RPS5: variants seen among roughly 807,000 people sequenced by gnomAD.
RPS5 encodes the protein small ribosomal subunit protein uS7.
Under a neutral mutation model 20.9 loss-of-function variants are expected in RPS5, and 2 were observed. That is an observed-to-expected ratio of 0.10 (90% CI 0.04 to 0.30). The LOEUF (loss-of-function observed/expected upper bound fraction) is 0.30. RPS5 is among the 10% of genes least tolerant of loss of function. The pLI is 1.00. For missense variants in RPS5, 122 were observed against 287.2 expected, an observed-to-expected ratio of 0.42 and a Z score of 4.16; for synonymous variants, 112 against 105.8, an observed-to-expected ratio of 1.06 and a Z score of -0.36.
chr19:58,389,859 A>ATT (rs2052351941), intron 2 of RPS5, among the ~76,000 whole-genome samples: 2 of 150,664 alleles, frequency 1.3e-5, no homozygotes, highest in African/African-American at 4.9e-5. Context: ...CTGGTCTCGA[A>ATT]CTCCTGACCT....
In RPS5 at chr19:58,393,141, A is replaced by G. The variant is rs533747867; in HGVS notation, c.274A>G (p.Ile92Val). 1.4e-5 allele frequency: 22 copies of G among 1,614,050 alleles called. No individual in the cohort carries two copies. In the Middle Eastern group the frequency reaches 6.6e-4, roughly 48 times the overall value. The change falls in exon 3 of 6, where the codon ATC (isoleucine) becomes GTC (valine). Residue 92 changes from isoleucine to valine, a missense_variant. By Grantham distance (29) the Ile-to-Val change is conservative. Coordinates refer to ENST00000196551, the MANE Select transcript of RPS5 (RefSeq NM_001009.4). The stretch of plus-strand genomic sequence containing the variant: ...CGGCAAGAAGCTCATGACTGTGCGC[A>G]TCGTCAAGCATGCCTTCGAGATCAT... ...NNGKKLMTVR[I>V]VKHAFEIIHL... is the part of the protein sequence containing the mutation.
intron 2 of RPS5, among the ~76,000 whole-genome samples, chr19:58,391,300 C>CA (rs2052361429): frequency 6.6e-6 from 1 of 151,754 alleles, no homozygotes; most frequent in African/African-American, 2.4e-5. Context: ...TGCATGGTGG[C>CA]GTGCACCTGT....
At chr19:58,393,723 T>TGG in intron 4 of RPS5, 1 of 404,828 alleles carries the variant, frequency 2.5e-6, no homozygotes, top group Non-Finnish European at 4.0e-6. Flanking sequence ...ATTTTTACAC[T>TGG]GTGTGTATAT....
At chr19:58,389,634 A>G (rs926422793) in intron 2 of RPS5, among the ~76,000 whole-genome samples, 23 of 151,390 alleles carry the variant, frequency 1.5e-4, no homozygotes, top group African/African-American at 4.9e-4. Context: ...TTGTTTGTTT[A>G]TTTATTTATT....
chr19:58,394,418 C>T, intron 4 of RPS5, 79 bp from the exon 5 acceptor site: 1 of 1,221,974 alleles, frequency 8.2e-7, no homozygotes, highest in Non-Finnish European at 1.2e-6. Context: ...ACGTGGCTGG[C>T]AGCATCAGTT....
At chr19:58,393,514 A>C (rs1568574672) in intron 4 of RPS5, 27 bp downstream of exon 4, 1 of 1,591,090 alleles carries the variant, frequency 6.3e-7, no homozygotes. Flanking sequence ...TGCACGTGGC[A>C]GGGTGGACAC....
intron 4 of RPS5, 139 bp downstream of exon 4, chr19:58,393,626 C>G: frequency 8.8e-7 from 1 of 1,130,154 alleles, no homozygotes; most frequent in South Asian, 1.6e-5. Flanking sequence ...TTCCTGGATT[C>G]CCACCCTGCA....
chr19:58,392,131 G>T (rs1292512431), intron 2 of RPS5, among the ~76,000 whole-genome samples: 2 of 152,154 alleles, frequency 1.3e-5, no homozygotes, highest in African/African-American at 2.4e-5. Flanking sequence ...AGACCAGCCT[G>T]CTCAAAACAG....
Position 58,394,699 on chromosome 19 carries a change from T to C in RPS5, c.564T>C (p.Tyr188=). 1.2e-6 allele frequency: 2 copies of C among 1,614,156 alleles called. No homozygotes were observed. Among genetic ancestry groups the C allele is most frequent in the South Asian group, 1.1e-5 (1 of 91,088 alleles). Residue 188 remains tyrosine (Y), a synonymous_variant, in exon 6 of 6, where the codon TAT becomes TAC. Transcript: ENST00000196551. The part of the protein sequence containing the change: ...INAAKGSSNS[Y]AIKKKDELER... The stretch of plus-strand genomic sequence containing the variant: ...CCTTGCAGGGCTCCTCGAACTCCTA[T>C]GCCATTAAGAAGAAGGACGAGCTGG...
chr19:58,394,118 C>T lies in RPS5; in HGVS notation c.448-379C>T, dbSNP rs899257823. ...ACCTGGCCGCCTTTTTTGTTGTCGT[C>T]GGTTTTTTTGTTTGTAGAGGTGGGG... is the stretch of plus-strand genomic sequence containing the variant. On this transcript the variant is annotated intron_variant, in intron 4 of 5. Coordinates refer to ENST00000196551, the MANE Select transcript of RPS5 (RefSeq NM_001009.4). 5 of 208,094 alleles carry T rather than the reference C, an allele frequency of 2.4e-5. No individual in the cohort carries two copies. In the East Asian group the frequency reaches 3.6e-4, roughly 15 times the overall value. The allele number at this position is 208,094 out of a possible 1,614,324, so 12.9% of individuals were successfully genotyped here.
intron 2 of RPS5, among the ~76,000 whole-genome samples, chr19:58,390,240 C>T (rs923504269): frequency 6.0e-5 from 9 of 149,938 alleles, no homozygotes; most frequent in Non-Finnish European, 1.3e-4. Flanking sequence ...GCCTCCCAGG[C>T]TGGAGTGCAG....
chr19:58,393,282 C>G, intron 3 of RPS5, 77 bp from the exon 4 acceptor site: 1 of 1,608,410 alleles, frequency 6.2e-7, no homozygotes, highest in Non-Finnish European at 8.5e-7. Context: ...GTGGTGTGGT[C>G]ACTCTTGTTT....
chr19:58,394,062 A>C (rs2122165888), intron 4 of RPS5: 1 of 177,648 alleles, frequency 5.6e-6, no homozygotes, highest in East Asian at 1.6e-4. Context: ...CAGCCTCCCA[A>C]AGTGCTAGGA....
chr19:58,389,794 G>A (rs1036931524), intron 2 of RPS5, among the ~76,000 whole-genome samples: 5 of 150,868 alleles, frequency 3.3e-5, no homozygotes, highest in Admixed American at 1.3e-4. Context: ...ACACCACCAC[G>A]CCTGGCTAAT....
rs1333633989 is a variant in RPS5 at position 58,388,899 on chromosome 19, G to A, written c.108+654G>A. Among the ~76,000 whole-genome samples, 3 of 152,244 alleles carry A rather than the reference G, an allele frequency of 2.0e-5. No individual in the cohort carries two copies. The East Asian group carries it at 5.8e-4, about 29-fold the overall frequency. ...CCGTCTCGGCCTCCCAAAGTGCTGGGATTACAGGCGTGAGCCACCGCGCCC... is the reference window on the plus strand; with the variant it reads ...CCGTCTCGGCCTCCCAAAGTGCTGGAATTACAGGCGTGAGCCACCGCGCCC... On this transcript the variant is annotated intron_variant, in intron 2 of 5. Transcript: ENST00000196551.
At chr19:58,391,710 G>A (rs2052365064) in intron 2 of RPS5, among the ~76,000 whole-genome samples, 1 of 151,752 alleles carries the variant, frequency 6.6e-6, no homozygotes, top group African/African-American at 2.4e-5. Flanking sequence ...CGGATCACCT[G>A]AGGTCAAGAG....
intron 1 of RPS5, 88 bp from the exon 2 acceptor site, chr19:58,388,049 C>A (rs556926229): frequency 3.6e-6 from 3 of 840,940 alleles, no homozygotes; most frequent in Non-Finnish European, 5.9e-6. Flanking sequence ...CACTAGATGG[C>A]GGCTAGCCTC....
intron 1 of RPS5, chr19:58,387,799 C>A: frequency 3.2e-6 from 1 of 312,926 alleles, no homozygotes; most frequent in Non-Finnish European, 6.1e-6. Flanking sequence ...GGGTCAAAGA[C>A]CATGTAAATC....
At chr19:58,390,913 T>C (rs890144533) in intron 2 of RPS5, among the ~76,000 whole-genome samples, 1 of 152,238 alleles carries the variant, frequency 6.6e-6, no homozygotes, top group Non-Finnish European at 1.5e-5. Context: ...CTGTGTTCTT[T>C]TCCCATCATT....
Sources: gnomAD v4.1 joint callset for allele counts (sites outside exome capture counted in the v4.1 genomes callset) on GRCh38, gnomAD v4.1.1 for gene constraint, MANE v1.5 for transcripts, NCBI Gene and HGNC (gene_info 2026-07-23, HGNC 2026-07-21) for gene names.